Variants in ANK1 observed in about 807,000 individuals in gnomAD.
ANK1 encodes the protein ankyrin-1.
ANK1 carries 51 observed loss-of-function variants against 210.4 expected under a neutral mutation model. The ratio of observed to expected loss-of-function variants is 0.24; its 90% confidence interval spans 0.19 to 0.31. The LOEUF (loss-of-function observed/expected upper bound fraction) is 0.31, where lower values mean the gene tolerates loss of function less well. Among genes scored for constraint, ANK1 ranks in the 10% least tolerant of loss-of-function variants. ANK1 has a pLI of 1.00. For synonymous variants in ANK1, 967 were observed against 1,025.9 expected (o/e 0.94, Z 1.10); for missense variants, 2,051 against 2,504.4 (o/e 0.82, Z 3.86).
At position 41,717,539 on chromosome 8, in the gene ANK1, TG is replaced by T. The variant is rs937885722; in HGVS notation, c.1305+64del. The stretch of plus-strand genomic sequence containing the variant: ...CCCCAGAGAGTAGGACTGGGAGCAC[TG>T]GTGAAAGCTGCCCTCTGAGCTCTTG... On this transcript the variant is annotated intron_variant, in intron 12 of 42. Coordinates refer to ENST00000289734, the MANE Select transcript of ANK1 (RefSeq NM_000037.4). 85 of 1,404,392 alleles carry T rather than the reference TG, an allele frequency of 6.1e-5. No homozygotes were observed. In the African/African-American group the frequency reaches 1.2e-3, roughly 19 times the overall value. The allele number at this position is 1,404,392 out of a possible 1,614,324, so 87.0% of individuals were successfully genotyped here.
At position 41,823,364 on chromosome 8, in the gene ANK1, C is replaced by T. The variant is rs185832447; in HGVS notation, c.127-65227G>A. 6.2e-4 allele frequency among the ~76,000 whole-genome samples: 95 copies of T among 152,304 alleles called. 1 individual carries two copies. The highest frequency in any genetic ancestry group is 1.6e-4 in the Non-Finnish European group (11 of 68,020). On this transcript the variant is annotated intron_variant, in intron 1 of 42. Transcript: ENST00000265709. ...CATATTTACTCAACTTTCCACCCTC[C>T]GCTTTTTCTCCAGTGAAGTAATCTT...
chr8:41,764,590 G>A (rs373901046), intron 1 of ANK1, among the ~76,000 whole-genome samples: 4 of 152,262 alleles, frequency 2.6e-5, no homozygotes, highest in Admixed American at 6.5e-5. Flanking sequence ...CTACCCCACC[G>A]TGTCCACAAG....
intron 1 of ANK1, among the ~76,000 whole-genome samples, chr8:41,763,889 C>CTTTT (rs869100297): frequency 1.2e-3 from 72 of 57,786 alleles, no homozygotes; most frequent in South Asian, 3.0e-3. Flanking sequence ...TTCTTTTTTT[C>CTTTT]TTTTTTTTTT....
chr8:41,699,569 G>A, intron 22 of ANK1, 21 bp from the exon 23 acceptor site: 3 of 1,607,808 alleles, frequency 1.9e-6, no homozygotes, highest in Non-Finnish European at 2.6e-6. Context: ...AAGAGCTCAA[G>A]TGAGCGACGG....
intron 36 of ANK1, 141 bp from the exon 37 acceptor site, chr8:41,684,831 CA>C (rs1360097448): frequency 9.4e-7 from 1 of 1,066,016 alleles, no homozygotes; most frequent in Non-Finnish European, 1.4e-6. Context: ...TTATTAGAGT[CA>C]AAACAAACTT....
intron 39 of ANK1, among the ~76,000 whole-genome samples, 168 bp downstream of exon 39, chr8:41,668,099 G>A (rs1317686126): frequency 6.6e-6 from 1 of 152,236 alleles, no homozygotes. Context: ...GAGGCAGAAA[G>A]GCAGGCCTTG....
chr8:41,733,804 G>T (rs899200564), intron 3 of ANK1, among the ~76,000 whole-genome samples, 167 bp downstream of exon 3: 5 of 152,156 alleles, frequency 3.3e-5, no homozygotes, highest in African/African-American at 1.2e-4. Flanking sequence ...CTGGAAATGG[G>T]GTCTGTTTCA....
intron 1 of ANK1, among the ~76,000 whole-genome samples, chr8:41,878,562 A>G (rs535987466): frequency 5.3e-5 from 8 of 152,376 alleles, no homozygotes; most frequent in African/African-American, 1.9e-4. Flanking sequence ...GTGCTAGCCC[A>G]TGAAAACGAT....
chr8:41,676,343 G>A (rs1397569051), intron 37 of ANK1, among the ~76,000 whole-genome samples: 1 of 152,188 alleles, frequency 6.6e-6, no homozygotes. Context: ...CACTAATGAT[G>A]TTGAGCATAT....
chr8:41,780,949 G>A (rs1845187820), intron 1 of ANK1, among the ~76,000 whole-genome samples: 1 of 152,060 alleles, frequency 6.6e-6, no homozygotes, highest in South Asian at 2.1e-4. Context: ...ATGCAGCTGG[G>A]GGTGGGGAGA....
At chr8:41,659,291 C>A (rs888048568) in intron 42 of ANK1, among the ~76,000 whole-genome samples, 4 of 152,188 alleles carry the variant, frequency 2.6e-5, no homozygotes, top group Non-Finnish European at 5.9e-5. Flanking sequence ...TGTGGCACTA[C>A]ACAAGCTGCA....
At chr8:41,763,114 G>A (rs1840828998) in intron 1 of ANK1, among the ~76,000 whole-genome samples, 1 of 152,004 alleles carries the variant, frequency 6.6e-6, no homozygotes, top group Non-Finnish European at 1.5e-5. Flanking sequence ...TACTTGGGAG[G>A]GTGAGGCAGA....
At chr8:41,850,156 T>C (rs1341999047) in intron 1 of ANK1, among the ~76,000 whole-genome samples, 2 of 152,152 alleles carry the variant, frequency 1.3e-5, no homozygotes, top group South Asian at 2.1e-4. Flanking sequence ...ATTTTGCAGA[T>C]GAAGAAACTG....
intron 1 of ANK1, among the ~76,000 whole-genome samples, chr8:41,864,699 C>T (rs572778135): frequency 2.7e-4 from 41 of 152,248 alleles, no homozygotes; most frequent in East Asian, 7.7e-4. Flanking sequence ...GTGAGGCAGA[C>T]GGGGAAAGGA....
At position 41,737,789 on chromosome 8, in the gene ANK1, C is replaced by T. The variant is rs1420229871; in HGVS notation, c.130-3720G>A. Among the ~76,000 whole-genome samples, 12 of 152,214 alleles carry T rather than the reference C, an allele frequency of 7.9e-5. 1 individual carries two copies. Among genetic ancestry groups the T allele is most frequent in the Middle Eastern group, 3.4e-3 (1 of 294 alleles). ...TTAATGAGAGAGATGCAAGATGGTC[C>T]GGGAATGCAATGCCTGTAAAAAACA... is the stretch of plus-strand genomic sequence containing the variant. On this transcript the variant is annotated intron_variant, in intron 2 of 42. Coordinates refer to ENST00000289734, the MANE Select transcript of ANK1 (RefSeq NM_000037.4).
At chr8:41,804,737 T>C (rs1335760439) in intron 1 of ANK1, among the ~76,000 whole-genome samples, 1 of 152,162 alleles carries the variant, frequency 6.6e-6, no homozygotes, top group Non-Finnish European at 1.5e-5. Flanking sequence ...AAAACTTGAT[T>C]CTCATTCGCT....
At position 41,739,764 on chromosome 8, in the gene ANK1, G is replaced by A. The variant is rs76467171; in HGVS notation, c.130-5695C>T. On this transcript the variant is annotated intron_variant, in intron 2 of 42. Transcript: ENST00000289734. The stretch of plus-strand genomic sequence containing the variant: ...TCACATTCTTACAAAGGTAGACTGC[G>A]GTTATCTTGAACTTTGAGTTGGAGC... Among the ~76,000 whole-genome samples, 475 of 152,082 alleles carry A rather than the reference G, an allele frequency of 3.1e-3. 15 individuals are homozygous for A. The East Asian group carries it at 0.056, about 18-fold the overall frequency.
intron 1 of ANK1, among the ~76,000 whole-genome samples, chr8:41,793,302 C>T (rs1293433732): frequency 6.6e-6 from 1 of 152,158 alleles, no homozygotes; most frequent in Non-Finnish European, 1.5e-5. Context: ...ATCACTTGAG[C>T]CCAGGAGTTG....
At chr8:41,805,918 C>G (rs1259576241) in intron 1 of ANK1, among the ~76,000 whole-genome samples, 1 of 152,156 alleles carries the variant, frequency 6.6e-6, no homozygotes, top group Non-Finnish European at 1.5e-5. Flanking sequence ...TTTTAATAGC[C>G]TTTTCATTTA....
Sources: gnomAD v4.1 joint callset for allele counts (sites outside exome capture counted in the v4.1 genomes callset) on GRCh38, gnomAD v4.1.1 for gene constraint, MANE v1.5 for transcripts, NCBI Gene and HGNC (gene_info 2026-07-23, HGNC 2026-07-21) for gene names.